MAML2: variants seen among roughly 807,000 people sequenced by gnomAD.
MAML2 encodes mastermind like transcriptional coactivator 2.
Under a neutral mutation model 96.1 loss-of-function variants are expected in MAML2, and 22 were observed. The observed-to-expected ratio is 0.23, with a 90% confidence interval of 0.16 to 0.33. The LOEUF is 0.33. MAML2 is among the 10% of genes least tolerant of loss of function. The pLI is 1.00. For synonymous variants in MAML2, 561 were observed against 521.3 expected (o/e 1.08, Z -1.04); for missense variants, 1,367 against 1,392.4 (o/e 0.98, Z 0.29).
chr11:96,122,280 CTAA>C (rs1239386237), intron 1 of MAML2, among the ~76,000 whole-genome samples: 13 of 151,950 alleles, frequency 8.6e-5, no homozygotes, highest in Non-Finnish European at 1.6e-4. Context: ...TAATTCTCTA[CTAA>C]AGGGGTGGAA....
intron 1 of MAML2, among the ~76,000 whole-genome samples, chr11:96,113,526 T>C (rs1311904079): frequency 1.3e-5 from 2 of 150,330 alleles, no homozygotes; most frequent in Non-Finnish European, 2.9e-5. Flanking sequence ...CAAGCTATAA[T>C]ACTATTTTAG....
At chr11:96,221,668 G>A (rs1862140211) in intron 1 of MAML2, among the ~76,000 whole-genome samples, 1 of 145,190 alleles carries the variant, frequency 6.9e-6, no homozygotes. Context: ...TAGGGAAGAT[G>A]TGAGTGGCAG....
intron 2 of MAML2, among the ~76,000 whole-genome samples, chr11:96,040,612 C>T (rs1311490151): frequency 6.6e-6 from 1 of 152,054 alleles, no homozygotes; most frequent in East Asian, 1.9e-4. Flanking sequence ...ACTAAAAATA[C>T]AAAAATTAGC....
rs2136026007 is a variant in MAML2 at position 96,342,912 on chromosome 11, T to G, written c.-1017A>C. 1 of 373,872 alleles carries G rather than the reference T, an allele frequency of 2.7e-6. No individual in the cohort carries two copies. The highest frequency in any genetic ancestry group is 2.1e-5 in the African/African-American group (1 of 48,338). 23.2% of individuals were successfully genotyped at this position (373,872 alleles called of 1,614,324 possible). A position where few individuals can be genotyped will look rare whatever the true frequency, so the allele number is the denominator to read the frequency against. ...ACAAACGATGGTCAAACTTACAAAC[T>G]TCCAGCAAATTGCACCGAGTCATGT... is the stretch of plus-strand genomic sequence containing the variant. On this transcript the variant is annotated 5_prime_UTR_variant, in exon 1 of 5. Transcript: ENST00000524717.
At chr11:96,290,533 A>C (rs934354358) in intron 1 of MAML2, among the ~76,000 whole-genome samples, 11 of 152,232 alleles carry the variant, frequency 7.2e-5, no homozygotes, top group African/African-American at 2.7e-4. Flanking sequence ...TCAAGATTTC[A>C]AGATCTCATA....
At chr11:96,193,668 G>A (rs1418071484) in intron 1 of MAML2, among the ~76,000 whole-genome samples, 2 of 151,870 alleles carry the variant, frequency 1.3e-5, no homozygotes, top group Non-Finnish European at 2.9e-5. Context: ...GTGCTCTCCC[G>A]TGTAACAAAA....
intron 1 of MAML2, among the ~76,000 whole-genome samples, chr11:96,098,252 T>C (rs946261574): frequency 6.6e-6 from 1 of 152,080 alleles, no homozygotes; most frequent in African/African-American, 2.4e-5. Context: ...GGTCATTCGG[T>C]CAGTCAAAAA....
intron 2 of MAML2, among the ~76,000 whole-genome samples, chr11:96,083,476 G>C (rs1266164766): frequency 1.3e-5 from 2 of 152,090 alleles, no homozygotes; most frequent in Non-Finnish European, 2.9e-5. Flanking sequence ...TGATCCATGG[G>C]GCAGCTGAGA....
chr11:96,331,962 G>A (rs1345558821), intron 1 of MAML2, among the ~76,000 whole-genome samples: 2 of 152,160 alleles, frequency 1.3e-5, no homozygotes, highest in African/African-American at 4.8e-5. Flanking sequence ...TAGGGGGATG[G>A]GCAGGATAGA....
At chr11:96,050,491 A>T (rs922276406) in intron 2 of MAML2, among the ~76,000 whole-genome samples, 1 of 152,230 alleles carries the variant, frequency 6.6e-6, no homozygotes, top group African/African-American at 2.4e-5. Context: ...TGGTGCAGGC[A>T]AAGAGTTAAC....
intron 1 of MAML2, among the ~76,000 whole-genome samples, chr11:96,282,754 CA>C (rs1863089941): frequency 6.6e-6 from 1 of 152,156 alleles, no homozygotes; most frequent in Admixed American, 6.5e-5. Context: ...TAAATGACCT[CA>C]AAAAATTTGT....
intron 2 of MAML2, among the ~76,000 whole-genome samples, chr11:96,020,699 C>T (rs1858423421): frequency 6.6e-6 from 1 of 152,148 alleles, no homozygotes; most frequent in South Asian, 2.1e-4. Context: ...TATTGTATGT[C>T]TGCTTTCAGA....
intron 1 of MAML2, among the ~76,000 whole-genome samples, chr11:96,254,546 C>T (rs570471943): frequency 1.1e-4 from 17 of 151,322 alleles, no homozygotes; most frequent in Non-Finnish European, 2.2e-4. Flanking sequence ...GACAAAAGGA[C>T]GTTGATATTC....
At chr11:96,012,200 C>G (rs569931393) in intron 2 of MAML2, among the ~76,000 whole-genome samples, 1 of 152,308 alleles carries the variant, frequency 6.6e-6, no homozygotes, top group Non-Finnish European at 1.5e-5. Flanking sequence ...ACTGTGAGAG[C>G]ATTTTCATTC....
chr11:96,288,569 AAACAGAT>A (rs1863170568), intron 1 of MAML2, among the ~76,000 whole-genome samples: 1 of 151,862 alleles, frequency 6.6e-6, no homozygotes, highest in African/African-American at 2.4e-5. Context: ...AAACAACCAA[AAACAGAT>A]AAGCACATTT....
chr11:96,338,726 G>A (rs1447355668), intron 1 of MAML2, among the ~76,000 whole-genome samples: 2 of 152,156 alleles, frequency 1.3e-5, no homozygotes, highest in African/African-American at 2.4e-5. Flanking sequence ...TATGGCATAC[G>A]AATTAACTAT....
Position 95,985,645 on chromosome 11 carries a change from T to G in MAML2, c.2344-3A>C. 1 of 1,561,648 alleles carries G rather than the reference T, an allele frequency of 6.4e-7. No individual in the cohort carries two copies. Among genetic ancestry groups the G allele is most frequent in the Non-Finnish European group, 8.8e-7 (1 of 1,134,338 alleles). ...TGATCTTGTGGAGCAATTTTCTCCT[T>G]GAGAAATGATATGAAAGCATATTAT... On this transcript the variant is annotated splice_polypyrimidine_tract_variant and splice_region_variant and intron_variant, in intron 3 of 4. Transcript: ENST00000524717.
At chr11:96,139,629 C>A (rs909831781) in intron 1 of MAML2, among the ~76,000 whole-genome samples, 10 of 151,420 alleles carry the variant, frequency 6.6e-5, no homozygotes, top group African/African-American at 2.2e-4. Flanking sequence ...ATTTTTTGAT[C>A]CCTAGAGAAA....
chr11:96,221,875 C>G (rs1013904222), intron 1 of MAML2, among the ~76,000 whole-genome samples: 1 of 152,138 alleles, frequency 6.6e-6, no homozygotes, highest in Non-Finnish European at 1.5e-5. Context: ...ACAGCAGGAG[C>G]ATGTGGAGTT....
Sources: allele counts gnomAD v4.1 joint callset (sites outside exome capture counted in the v4.1 genomes callset), GRCh38; gene constraint gnomAD v4.1.1; transcripts MANE v1.5; gene names NCBI Gene and HGNC (gene_info 2026-07-23, HGNC 2026-07-21).